Variants in ODAD2 observed in about 807,000 individuals in gnomAD.
ODAD2 encodes the protein outer dynein arm-docking complex subunit 2.
In ODAD2, 89 loss-of-function variants were observed where a neutral mutation model predicts 106.8. The observed-to-expected ratio is 0.83, with a 90% CI of 0.70 to 0.99. The LOEUF is 0.99. ODAD2 is among the 50% of genes least tolerant of loss of function. The probability of loss-of-function intolerance (pLI) is 0.00; values close to 1 mark genes in which losing one functional copy is unlikely to be tolerated. For synonymous variants in ODAD2, 404 were observed against 436.2 expected, an observed-to-expected ratio of 0.93 and a Z score of 0.92; for missense variants, 1,168 against 1,238.5, an observed-to-expected ratio of 0.94 and a Z score of 0.85.
chr10:27,914,487 C>T (rs1844226537), intron 16 of ODAD2, among the ~76,000 whole-genome samples: 1 of 152,100 alleles, frequency 6.6e-6, no homozygotes, highest in East Asian at 1.9e-4. Context: ...TAATTCTGTT[C>T]ATTTTCTCAA....
chr10:27,943,312 A>G (rs1846584845), intron 12 of ODAD2, among the ~76,000 whole-genome samples: 1 of 152,204 alleles, frequency 6.6e-6, no homozygotes, highest in African/African-American at 2.4e-5. Context: ...GTAGAAATGC[A>G]GGCAGAAAAA....
chr10:27,836,089 G>T, intron 19 of ODAD2: 1 of 153,426 alleles, frequency 6.5e-6, no homozygotes, highest in South Asian at 1.8e-4. Context: ...TCTCAGGGGT[G>T]GCAGAGTCAG....
At chr10:27,968,118 C>G (rs1325926889) in intron 9 of ODAD2, among the ~76,000 whole-genome samples, 1 of 151,350 alleles carries the variant, frequency 6.6e-6, no homozygotes, top group Non-Finnish European at 1.5e-5. Context: ...TATGAACATG[C>G]TTGAAACAAA....
intron 19 of ODAD2, among the ~76,000 whole-genome samples, chr10:27,824,608 G>T (rs1836894932): frequency 6.6e-6 from 1 of 152,150 alleles, no homozygotes; most frequent in Non-Finnish European, 1.5e-5. Flanking sequence ...AAACCCCACA[G>T]GTAAGCAAAG....
At chr10:27,988,862 T>C (rs2133175259) in intron 2 of ODAD2, among the ~76,000 whole-genome samples, 1 of 152,252 alleles carries the variant, frequency 6.6e-6, no homozygotes, top group Admixed American at 6.5e-5. Flanking sequence ...TGCATAGAAA[T>C]TAAGTCAAGG....
rs2132828226 is a variant in ODAD2 at position 27,959,989 on chromosome 10, T to G, written c.1386+1579A>C. 2.0e-5 allele frequency among the ~76,000 whole-genome samples: 3 copies of G among 152,020 alleles called. No individual in the cohort carries two copies. In the South Asian group the frequency reaches 6.2e-4, roughly 32 times the overall value. On this transcript the variant is annotated intron_variant, in intron 10 of 19. Transcript: ENST00000305242. ...AAATTTCATAATACAAAACACTAAA[T>G]GAGGGAAACATTAACACAAAATAAA...
intron 19 of ODAD2, among the ~76,000 whole-genome samples, chr10:27,828,369 T>C (rs542259925): frequency 6.6e-6 from 1 of 150,806 alleles, no homozygotes; most frequent in African/African-American, 2.4e-5. Context: ...TGAGAGGGAA[T>C]AGTCAGTGTC....
chr10:27,935,251 A>T lies in ODAD2; in HGVS notation c.2254T>A (p.Phe752Ile). The T allele has an allele frequency of 6.2e-7, 1 of 1,613,294 alleles. No individual in the cohort carries two copies. The highest frequency in any genetic ancestry group is 2.2e-5 in the East Asian group (1 of 44,840). The change falls in exon 16 of 20, where the codon TTT becomes ATT. Residue 752 changes from phenylalanine (F) to isoleucine (I), a missense_variant and splice_region_variant. Around this residue, in one of 3 missense-constraint regions of ODAD2, gnomAD observed 701 missense variants for 712.3 expected, o/e 0.98. Coordinates refer to ENST00000305242, the MANE Select transcript of ODAD2 (RefSeq NM_018076.5). ...CSISKENVTK[F>I]REYKAIETLV... The stretch of plus-strand genomic sequence containing the variant: ...GTTTCAATGGCTTTGTATTCCCGAA[A>T]CCTAAGTTCATCATAAGAAAGAGGA...
At chr10:27,981,603 C>T in intron 6 of ODAD2, 21 bp from the exon 7 acceptor site, 1 of 1,452,092 alleles carries the variant, frequency 6.9e-7, no homozygotes, top group South Asian at 1.4e-5. Context: ...AAACAAGTTT[C>T]ATTCTATGAT....
intron 17 of ODAD2, among the ~76,000 whole-genome samples, chr10:27,877,007 C>T (rs913973688): frequency 1.3e-5 from 2 of 151,944 alleles, no homozygotes; most frequent in Non-Finnish European, 2.9e-5. Flanking sequence ...TTGATTCTCC[C>T]TTGGGATATA....
At position 27,920,112 on chromosome 10, in the gene ODAD2, C is replaced by G. The variant is rs141666010; in HGVS notation, c.2496-12335G>C. On this transcript the variant is annotated intron_variant, in intron 16 of 19. Transcript: ENST00000305242. Reference sequence around the variant, plus strand: ...AAAAGGCAAAAAAAAAAGAGATATCCCCAGAGTAGAGAGAGGTGGCACTGA... The same window carrying G: ...AAAAGGCAAAAAAAAAAGAGATATCGCCAGAGTAGAGAGAGGTGGCACTGA... 3.7e-3 allele frequency among the ~76,000 whole-genome samples: 555 copies of G among 151,992 alleles called. 6 individuals carry two copies. The highest frequency in any genetic ancestry group is 0.012 in the African/African-American group (518 of 41,508).
intron 10 of ODAD2, among the ~76,000 whole-genome samples, chr10:27,955,055 T>C (rs921556277): frequency 2.0e-5 from 3 of 152,156 alleles, no homozygotes; most frequent in African/African-American, 7.2e-5. Context: ...TAAAGAAAGC[T>C]CAACCCACAT....
In ODAD2 at chr10:27,985,110, C is replaced by T. The variant is rs779245508; in HGVS notation, c.484G>A (p.Asp162Asn). Residue 162 changes from aspartate (D) to asparagine (N), a missense_variant, in exon 4 of 20, where the codon GAT becomes AAT. Around this residue, in one of 3 missense-constraint regions of ODAD2, gnomAD observed 430 missense variants for 452.2 expected, o/e 0.95. Transcript: ENST00000305242. ...NILGKITRDDDPESEIKMKIA... is the reference protein window; with the variant it reads ...NILGKITRDDNPESEIKMKIA... ...TTCATCTTAATTTCACTTTCAGGATCATCATCTCTGGTAATTTTGCCAAGA... is the reference window on the plus strand; with the variant it reads ...TTCATCTTAATTTCACTTTCAGGATTATCATCTCTGGTAATTTTGCCAAGA... 2 of 1,603,594 alleles carry T rather than the reference C, an allele frequency of 1.2e-6. No individual in the cohort carries two copies. Among genetic ancestry groups the T allele is most frequent in the Admixed American group, 1.7e-5 (1 of 59,300 alleles).
intron 17 of ODAD2, among the ~76,000 whole-genome samples, chr10:27,887,980 T>C (rs1257026834): frequency 6.6e-6 from 1 of 151,978 alleles, no homozygotes; most frequent in East Asian, 1.9e-4. Flanking sequence ...CTACCAAGAC[T>C]GAATCATGAA....
At chr10:27,868,639 C>T (rs1011241815) in intron 17 of ODAD2, among the ~76,000 whole-genome samples, 2 of 152,170 alleles carry the variant, frequency 1.3e-5, no homozygotes, top group East Asian at 3.9e-4. Flanking sequence ...AATGAGAACA[C>T]ATAGATACAG....
At chr10:27,996,106 C>T (rs370080955) in intron 1 of ODAD2, among the ~76,000 whole-genome samples, 2 of 152,192 alleles carry the variant, frequency 1.3e-5, no homozygotes, top group South Asian at 2.1e-4. Flanking sequence ...TTAGAAAGCA[C>T]GTTCTGACTT....
At chr10:27,898,851 T>C (rs1480363434) in intron 17 of ODAD2, among the ~76,000 whole-genome samples, 1 of 152,178 alleles carries the variant, frequency 6.6e-6, no homozygotes, top group African/African-American at 2.4e-5. Flanking sequence ...ATTTTTTGGC[T>C]GTGATAACAA....
chr10:27,975,380 A>G (rs1399296687), intron 7 of ODAD2, among the ~76,000 whole-genome samples: 1 of 152,194 alleles, frequency 6.6e-6, no homozygotes. Flanking sequence ...TAGTAAATCT[A>G]TAGTCCTATA....
intron 16 of ODAD2, among the ~76,000 whole-genome samples, chr10:27,916,766 T>G (rs1319748254): frequency 6.6e-6 from 1 of 152,212 alleles, no homozygotes; most frequent in Non-Finnish European, 1.5e-5. Context: ...TAATTGTTTA[T>G]GCTATTGGTA....
Sources: allele counts gnomAD v4.1 joint callset (sites outside exome capture counted in the v4.1 genomes callset), GRCh38; gene constraint gnomAD v4.1.1; regional missense constraint gnomAD v4.1.1; transcripts MANE v1.5; gene names NCBI Gene and HGNC (gene_info 2026-07-23, HGNC 2026-07-21).